The following CDH12 variants were observed in gnomAD, a reference collection of about 807,000 sequenced individuals.
CDH12 encodes cadherin-12.
CDH12 carries 41 observed loss-of-function variants against 74.1 expected under a neutral mutation model. The ratio of observed to expected loss-of-function variants is 0.55; its 90% confidence interval spans 0.43 to 0.72. The LOEUF is 0.72. CDH12 is among the 30% of genes least tolerant of loss of function. The pLI is 0.00. For synonymous variants in CDH12, 399 were observed against 355.0 expected (o/e 1.12, Z -1.39); for missense variants, 945 against 977.2 (o/e 0.97, Z 0.44).
chr5:22,686,655 CT>C (rs1172304660), intron 1 of CDH12, among the ~76,000 whole-genome samples: 1 of 152,170 alleles, frequency 6.6e-6, no homozygotes, highest in East Asian at 1.9e-4. Context: ...GTAATTGCCT[CT>C]TCTAAGCCTC....
At chr5:22,251,463 C>A (rs187144488) in intron 3 of CDH12, among the ~76,000 whole-genome samples, 2 of 152,268 alleles carry the variant, frequency 1.3e-5, no homozygotes, top group African/African-American at 4.8e-5. Context: ...AGTGGACACA[C>A]AGGAAATTTT....
chr5:22,707,847 G>A (rs1743096302), intron 1 of CDH12, among the ~76,000 whole-genome samples: 1 of 152,022 alleles, frequency 6.6e-6, no homozygotes, highest in Non-Finnish European at 1.5e-5. Context: ...ATTTGGGGGA[G>A]TATTTTTAAA....
At chr5:22,597,435 C>G (rs1013761243) in intron 1 of CDH12, among the ~76,000 whole-genome samples, 5 of 152,114 alleles carry the variant, frequency 3.3e-5, no homozygotes, top group African/African-American at 1.2e-4. Context: ...GAATGAGAAA[C>G]CTAACTCCAC....
At chr5:22,486,669 G>A (rs1746615361) in intron 2 of CDH12, among the ~76,000 whole-genome samples, 1 of 151,952 alleles carries the variant, frequency 6.6e-6, no homozygotes, top group Admixed American at 6.6e-5. Flanking sequence ...GGTCAGGCTG[G>A]TCTTGAACTC....
rs114101509 is a variant in CDH12, at chr5:22,578,562, A to G, written c.-522-73198T>C. Among the ~76,000 whole-genome samples, 852 of 152,322 alleles carry G rather than the reference A, an allele frequency of 5.6e-3. 9 individuals are homozygous for G. Among genetic ancestry groups the G allele is most frequent in the African/African-American group, 0.02 (821 of 41,580 alleles). On this transcript the variant is annotated intron_variant, in intron 1 of 14. Coordinates refer to ENST00000382254, the MANE Select transcript of CDH12 (RefSeq NM_004061.5). The stretch of plus-strand genomic sequence containing the variant: ...AAGGCTCAGCAAAGGGAATCTGACT[A>G]TAAATTTAGCAGAAATAATAAATGT...
intron 1 of CDH12, among the ~76,000 whole-genome samples, chr5:22,549,322 T>C (rs1738464747): frequency 6.6e-6 from 1 of 152,072 alleles, no homozygotes; most frequent in South Asian, 2.1e-4. Flanking sequence ...CCCAGCCATC[T>C]TGGAATATGT....
intron 1 of CDH12, among the ~76,000 whole-genome samples, chr5:22,660,728 C>G (rs1268183275): frequency 6.6e-6 from 1 of 152,110 alleles, no homozygotes; most frequent in African/African-American, 2.4e-5. Context: ...GGGTTTTATT[C>G]ATGACTTTAA....
intron 6 of CDH12, among the ~76,000 whole-genome samples, chr5:21,964,857 C>T (rs975299929): frequency 7.2e-5 from 11 of 151,990 alleles, no homozygotes; most frequent in Admixed American, 2.6e-4. Context: ...TATTTGTTAG[C>T]TTAGGTATAG....
chr5:21,875,036 T>A (rs556409215), intron 6 of CDH12, among the ~76,000 whole-genome samples: 1 of 152,268 alleles, frequency 6.6e-6, no homozygotes, highest in African/African-American at 2.4e-5. Flanking sequence ...AGATAGCATC[T>A]CACACCAGTC....
chr5:21,752,259 A>G (rs555067027), intron 14 of CDH12, 23 bp from the exon 15 acceptor site: 1 of 1,557,072 alleles, frequency 6.4e-7, no homozygotes, highest in African/African-American at 1.4e-5. Flanking sequence ...AAAAATTGCA[A>G]TTTGAGAATA....
intron 5 of CDH12, among the ~76,000 whole-genome samples, chr5:21,989,684 T>C (rs1479391982): frequency 6.6e-6 from 1 of 152,204 alleles, no homozygotes; most frequent in Non-Finnish European, 1.5e-5. Flanking sequence ...AAAAAGAATA[T>C]GCTAAAACTT....
chr5:22,689,780 A>G (rs1741987571), intron 1 of CDH12, among the ~76,000 whole-genome samples: 1 of 152,096 alleles, frequency 6.6e-6, no homozygotes, highest in Admixed American at 6.5e-5. Context: ...GAAGTGATGA[A>G]GTTTAGGGTC....
At chr5:21,928,035 G>A (rs940268642) in intron 6 of CDH12, among the ~76,000 whole-genome samples, 4 of 152,018 alleles carry the variant, frequency 2.6e-5, no homozygotes, top group African/African-American at 7.2e-5. Context: ...TCTCGCCACT[G>A]TGCTCCAGCC....
intron 5 of CDH12, among the ~76,000 whole-genome samples, chr5:22,029,300 G>C (rs1738635198): frequency 1.3e-5 from 2 of 152,072 alleles, no homozygotes; most frequent in African/African-American, 4.8e-5. Flanking sequence ...CACAGCAAAA[G>C]AAACTACCAT....
intron 5 of CDH12, among the ~76,000 whole-genome samples, chr5:22,022,261 G>C (rs536183048): frequency 6.6e-6 from 1 of 152,230 alleles, no homozygotes; most frequent in Admixed American, 6.5e-5. Flanking sequence ...GAGGTGATTT[G>C]ATCATGGGGG....
chr5:22,276,047 T>C (rs1244985199), intron 3 of CDH12, among the ~76,000 whole-genome samples: 1 of 152,238 alleles, frequency 6.6e-6, no homozygotes, highest in Non-Finnish European at 1.5e-5. Flanking sequence ...AATCAATTTC[T>C]TTTATTCATT....
chr5:22,228,885 G>T (rs1255605965), intron 3 of CDH12, among the ~76,000 whole-genome samples: 1 of 151,966 alleles, frequency 6.6e-6, no homozygotes, highest in African/African-American at 2.4e-5. Flanking sequence ...ATTAATCAAA[G>T]AAGCACTTTT....
At position 21,883,852 on chromosome 5, in the gene CDH12, T is replaced by A. The variant is rs1752488953; in HGVS notation, c.527-29062A>T. ...GAAGTGAATGAAAAGAAAGACAGAG[T>A]TACAGATGCCCTTAATGCTACAAGA... is the stretch of plus-strand genomic sequence containing the variant. On this transcript the variant is annotated intron_variant, in intron 6 of 14. Transcript: ENST00000382254. 1.9e-6 allele frequency: 3 copies of A among 1,606,424 alleles called. No individual in the cohort carries two copies. The South Asian group carries it at 3.3e-5, about 18-fold the overall frequency.
chr5:21,937,404 T>G (rs1755121654), intron 6 of CDH12, among the ~76,000 whole-genome samples: 1 of 152,152 alleles, frequency 6.6e-6, no homozygotes, highest in Non-Finnish European at 1.5e-5. Context: ...AAGAATATAT[T>G]TGGATACTGA....
Sources: gnomAD v4.1 joint callset for allele counts (sites outside exome capture counted in the v4.1 genomes callset) on GRCh38, gnomAD v4.1.1 for gene constraint, MANE v1.5 for transcripts, NCBI Gene and HGNC (gene_info 2026-07-23, HGNC 2026-07-21) for gene names.